PHKB: variants seen among roughly 807,000 people sequenced by gnomAD.
PHKB encodes phosphorylase b kinase regulatory subunit beta.
Under a neutral mutation model 152.1 loss-of-function variants are expected in PHKB, and 122 were observed. That is an observed-to-expected ratio of 0.80 (90% confidence interval 0.69 to 0.93). PHKB has a LOEUF of 0.93. Ranked by LOEUF, PHKB falls within the 40% of genes least tolerant of loss-of-function variation. The probability of loss-of-function intolerance (pLI) is 0.00; values close to 1 mark genes in which losing one functional copy is unlikely to be tolerated. For synonymous variants in PHKB, 436 were observed against 464.9 expected, an observed-to-expected ratio of 0.94 and a Z score of 0.80; for missense variants, 1,304 against 1,328.4, an observed-to-expected ratio of 0.98 and a Z score of 0.29.
intron 14 of PHKB, among the ~76,000 whole-genome samples, chr16:47,625,082 C>A (rs1270842030): frequency 1.3e-5 from 2 of 152,104 alleles, no homozygotes; most frequent in African/African-American, 4.8e-5. Flanking sequence ...AAATAGTCCC[C>A]AAATATTTTC....
intron 26 of PHKB, among the ~76,000 whole-genome samples, chr16:47,677,387 C>T (rs1189896065): frequency 2.0e-5 from 3 of 152,210 alleles, no homozygotes; most frequent in African/African-American, 4.8e-5. Context: ...TCAGCTCTGG[C>T]TTCCATAACA....
chr16:47,688,682 T>C (rs1974007141), intron 26 of PHKB, among the ~76,000 whole-genome samples: 1 of 137,522 alleles, frequency 7.3e-6, no homozygotes, highest in South Asian at 2.4e-4. Flanking sequence ...CTCTCTTTCC[T>C]TTTTTTTTTT....
At chr16:47,552,536 C>T (rs765017588) in intron 7 of PHKB, among the ~76,000 whole-genome samples, 56 of 151,942 alleles carry the variant, frequency 3.7e-4, no homozygotes, top group Non-Finnish European at 1.0e-4. Context: ...ATGTTGAGGC[C>T]GTGGTGGCTC....
intron 7 of PHKB, chr16:47,566,419 ACT>A: frequency 6.2e-7 from 1 of 1,607,812 alleles, no homozygotes; most frequent in South Asian, 1.1e-5. Context: ...TTACCTAGAG[ACT>A]CTTCATTGAG....
At chr16:47,634,371 G>T (rs1206377170) in intron 14 of PHKB, among the ~76,000 whole-genome samples, 1 of 152,234 alleles carries the variant, frequency 6.6e-6, no homozygotes, top group Non-Finnish European at 1.5e-5. Flanking sequence ...TGCATGGGCA[G>T]TCATTCATCA....
Position 47,596,446 on chromosome 16 carries a change from T to C in PHKB, c.1278T>C (p.Ser426=), listed in dbSNP as rs1213652303. 6.2e-7 allele frequency: 1 copy of C among 1,613,354 alleles called. No individual in the cohort carries two copies. The highest frequency in any genetic ancestry group is 8.5e-7 in the Non-Finnish European group (1 of 1,179,402). ...FVEYEKNNPG[S]QKRFPSNCGR... ...AATATGAAAAAAATAACCCTGGTAG[T>C]CAAAAACGATTTCCTAGCAACTGTG... Residue 426 remains serine (S), a synonymous_variant, in exon 13 of 31, where the codon AGT becomes AGC. Coordinates refer to ENST00000323584, the MANE Select transcript of PHKB (RefSeq NM_000293.3).
intron 26 of PHKB, among the ~76,000 whole-genome samples, chr16:47,686,917 C>T (rs1458416925): frequency 6.6e-6 from 1 of 152,134 alleles, no homozygotes; most frequent in Non-Finnish European, 1.5e-5. Context: ...ACCAGATACT[C>T]AGTTCTTATT....
At chr16:47,674,773 C>A (rs964464771) in intron 26 of PHKB, among the ~76,000 whole-genome samples, 1 of 152,124 alleles carries the variant, frequency 6.6e-6, no homozygotes, top group African/African-American at 2.4e-5. Flanking sequence ...ATGCACTGAA[C>A]CCTTGGTACT....
chr16:47,555,896 C>T (rs946055309), intron 7 of PHKB, among the ~76,000 whole-genome samples: 5 of 152,144 alleles, frequency 3.3e-5, no homozygotes, highest in Non-Finnish European at 7.3e-5. Context: ...ATTGATTCTT[C>T]CTACCCATGA....
intron 18 of PHKB, among the ~76,000 whole-genome samples, chr16:47,649,615 C>T (rs1273769525): frequency 1.3e-5 from 2 of 152,186 alleles, no homozygotes; most frequent in Non-Finnish European, 2.9e-5. Context: ...ACTCCCTTTT[C>T]TACTGACAGA....
intron 6 of PHKB, among the ~76,000 whole-genome samples, chr16:47,525,181 G>A (rs1382616545): frequency 6.6e-6 from 1 of 152,158 alleles, no homozygotes; most frequent in East Asian, 1.9e-4. Context: ...GTCACCTGCA[G>A]GAGAGGGAGA....
chr16:47,485,370 T>G (rs1970031733), intron 1 of PHKB, among the ~76,000 whole-genome samples: 3 of 152,200 alleles, frequency 2.0e-5, no homozygotes, highest in African/African-American at 7.2e-5. Context: ...CAAATCTTTT[T>G]AACTATAGAG....
At chr16:47,597,666 T>G (rs1972144362) in intron 13 of PHKB, 1 of 150,080 alleles carries the variant, frequency 6.7e-6, no homozygotes, top group Admixed American at 6.6e-5. Context: ...ATAGTTTTCT[T>G]TTTTCTTTTT....
At chr16:47,588,787 G>T in intron 9 of PHKB, 118 bp from the exon 10 acceptor site, 1 of 803,548 alleles carries the variant, frequency 1.2e-6, no homozygotes, top group Non-Finnish European at 2.1e-6. Context: ...CCTGGGAGCA[G>T]AGCGTGCTCA....
intron 4 of PHKB, among the ~76,000 whole-genome samples, chr16:47,509,079 A>G (rs1970466658): frequency 1.3e-5 from 2 of 152,212 alleles, no homozygotes; most frequent in South Asian, 2.1e-4. Context: ...CACTTTATTA[A>G]ACTGATAAAA....
intron 7 of PHKB, chr16:47,566,629 G>C (rs1220670786): frequency 5.3e-5 from 62 of 1,167,848 alleles, no homozygotes; most frequent in Non-Finnish European, 7.3e-5. Context: ...AATTTGGGAA[G>C]ATGGCTCCAG....
chr16:47,654,669 G>A (rs1973301160), intron 20 of PHKB, among the ~76,000 whole-genome samples: 1 of 152,038 alleles, frequency 6.6e-6, no homozygotes. Context: ...GGATGAAGCT[G>A]GAAACCATCA....
intron 1 of PHKB, among the ~76,000 whole-genome samples, chr16:47,486,470 T>G (rs1970051437): frequency 6.6e-6 from 1 of 152,240 alleles, no homozygotes. Context: ...AGATGAGTCA[T>G]AGGACAAACA....
At chr16:47,598,693 A>G (rs1366775316) in intron 13 of PHKB, 5 of 1,564,682 alleles carry the variant, frequency 3.2e-6, no homozygotes, top group Non-Finnish European at 3.5e-6. Flanking sequence ...AGGCTCTTCC[A>G]CTAATGGCGC....
Sources: gnomAD v4.1 joint callset for allele counts (sites outside exome capture counted in the v4.1 genomes callset) on GRCh38, gnomAD v4.1.1 for gene constraint, MANE v1.5 for transcripts, NCBI Gene and HGNC (gene_info 2026-07-23, HGNC 2026-07-21) for gene names.